MTSS1: variants seen among roughly 807,000 people sequenced by gnomAD.
The protein encoded by MTSS1 is MTSS I-BAR domain containing 1, also known as protein MTSS 1.
MTSS1 carries 18 observed loss-of-function variants against 79.0 expected under a neutral mutation model. That is an observed-to-expected ratio of 0.23 (90% CI 0.16 to 0.34). The LOEUF (loss-of-function observed/expected upper bound fraction) is 0.34. Ranked by LOEUF, MTSS1 falls within the 10% of genes least tolerant of loss-of-function variation. MTSS1 has a pLI of 1.00. For missense variants in MTSS1, 815 were observed against 986.2 expected, an observed-to-expected ratio of 0.83 and a Z score of 2.33; for synonymous variants, 341 against 368.6, an observed-to-expected ratio of 0.93 and a Z score of 0.86.
intron 3 of MTSS1, among the ~76,000 whole-genome samples, chr8:124,640,439 T>C (rs1817816302): frequency 6.6e-6 from 1 of 152,180 alleles, no homozygotes. Context: ...CTGTGGTCTT[T>C]CCGGCAACAA....
At chr8:124,706,522 T>G (rs555593982) in intron 1 of MTSS1, among the ~76,000 whole-genome samples, 159 of 152,386 alleles carry the variant, frequency 1.0e-3, no homozygotes, top group African/African-American at 3.6e-3. Context: ...ATTGGAGACC[T>G]GCTTGGCTCA....
At chr8:124,709,973 T>A (rs1404768392) in intron 1 of MTSS1, among the ~76,000 whole-genome samples, 2 of 152,250 alleles carry the variant, frequency 1.3e-5, no homozygotes, top group Non-Finnish European at 2.9e-5. Flanking sequence ...GTTTGCTGTC[T>A]ATAAGCCTGA....
chr8:124,651,658 A>G (rs1398459680), intron 3 of MTSS1, among the ~76,000 whole-genome samples: 3 of 152,188 alleles, frequency 2.0e-5, no homozygotes, highest in Non-Finnish European at 4.4e-5. Flanking sequence ...TTCCTGGGAC[A>G]TAAGTCTCCA....
intron 3 of MTSS1, among the ~76,000 whole-genome samples, chr8:124,678,519 G>A (rs372177716): frequency 4.8e-4 from 73 of 152,318 alleles, no homozygotes; most frequent in African/African-American, 1.6e-3. Flanking sequence ...GCAAAGGTAC[G>A]TCTTACATGG....
intron 6 of MTSS1, chr8:124,568,759 A>G: frequency 1.4e-6 from 2 of 1,461,538 alleles, no homozygotes; most frequent in South Asian, 1.4e-5. Context: ...CTTATTCCTG[A>G]CAAGGAAAAT....
At chr8:124,698,509 T>TC (rs1829218118) in intron 3 of MTSS1, among the ~76,000 whole-genome samples, 1 of 147,640 alleles carries the variant, frequency 6.8e-6, no homozygotes, top group African/African-American at 2.5e-5. Context: ...TGCTTTTCTT[T>TC]TTTTTTTTTT....
chr8:124,630,535 AT>A (rs1815722813), intron 3 of MTSS1, among the ~76,000 whole-genome samples: 6 of 152,192 alleles, frequency 3.9e-5, no homozygotes, highest in Admixed American at 3.3e-4. Context: ...CACCGCCCAC[AT>A]TTTTAACAAG....
In MTSS1 at chr8:124,597,291, C is replaced by T. The variant is rs1007399054; in HGVS notation, c.209-6056G>A. Among the ~76,000 whole-genome samples, 1 of 152,184 alleles carries T rather than the reference C, an allele frequency of 6.6e-6. No individual in the cohort carries two copies. The highest frequency in any genetic ancestry group is 1.5e-5 in the Non-Finnish European group (1 of 68,028). On this transcript the variant is annotated intron_variant, in intron 3 of 13. Coordinates refer to ENST00000518547, the MANE Select transcript of MTSS1 (RefSeq NM_014751.6). This position sits in a 1 kb window ranked among gnomAD's most constrained non-coding sequence, Gnocchi z 4.6. ...AACAACCTTGCTGAGGGCCACATTG[C>T]TGGTCAGCAGTAGAGCCAAAATCCA...
intron 3 of MTSS1, among the ~76,000 whole-genome samples, chr8:124,630,793 A>C (rs1815776430): frequency 1.3e-5 from 2 of 152,382 alleles, no homozygotes; most frequent in South Asian, 2.1e-4. Context: ...TCTAATACAA[A>C]AAAAATGACC....
intron 3 of MTSS1, among the ~76,000 whole-genome samples, chr8:124,660,296 G>C (rs377239723): frequency 6.6e-6 from 1 of 152,110 alleles, no homozygotes; most frequent in African/African-American, 2.4e-5. Context: ...CTGTGCCACA[G>C]AAACAGGGGC....
chr8:124,603,839 T>C (rs1834338805), intron 3 of MTSS1, among the ~76,000 whole-genome samples: 1 of 152,214 alleles, frequency 6.6e-6, no homozygotes, highest in South Asian at 2.1e-4. Flanking sequence ...CACAAACTTT[T>C]TTGCCTGTGC....
chr8:124,717,348 AAG>A (rs1412348374), intron 1 of MTSS1, among the ~76,000 whole-genome samples: 6 of 152,088 alleles, frequency 3.9e-5, no homozygotes, highest in African/African-American at 1.4e-4. Context: ...AAAAAAAAAA[AAG>A]CCGGGTGTGG....
chr8:124,720,011 G>A (rs1832679153), intron 1 of MTSS1, among the ~76,000 whole-genome samples: 1 of 152,198 alleles, frequency 6.6e-6, no homozygotes, highest in African/African-American at 2.4e-5. Context: ...CACTTTTTAA[G>A]GTAGGATATA....
At chr8:124,672,876 CAT>C (rs1325465892) in intron 3 of MTSS1, among the ~76,000 whole-genome samples, 1 of 148,998 alleles carries the variant, frequency 6.7e-6, no homozygotes, top group Non-Finnish European at 1.5e-5. Flanking sequence ...CACACACATG[CAT>C]ACACACACAC....
intron 3 of MTSS1, among the ~76,000 whole-genome samples, chr8:124,621,775 C>T (rs929011006): frequency 2.6e-5 from 4 of 152,180 alleles, no homozygotes; most frequent in African/African-American, 9.7e-5. Context: ...TCTTGAACTC[C>T]TGACCTCAAG....
chr8:124,589,776 A>G, intron 4 of MTSS1, 65 bp from the exon 5 acceptor site: 2 of 1,195,142 alleles, frequency 1.7e-6, no homozygotes, highest in Non-Finnish European at 2.5e-6. Flanking sequence ...CAGGATTTAA[A>G]TGTGGTTGTC....
At chr8:124,589,042 G>GT (rs1324191241) in intron 5 of MTSS1, among the ~76,000 whole-genome samples, 11 of 149,108 alleles carry the variant, frequency 7.4e-5, no homozygotes, top group African/African-American at 2.0e-4. Flanking sequence ...CTTTTTTTTT[G>GT]TTTTTTGAGA....
At chr8:124,725,873 C>CT (rs973543134) in intron 1 of MTSS1, among the ~76,000 whole-genome samples, 1 of 152,168 alleles carries the variant, frequency 6.6e-6, no homozygotes, top group African/African-American at 2.4e-5. Context: ...GACATTCCCT[C>CT]TCTCTTCATC....
chr8:124,607,578 A>C (rs1372111502), intron 3 of MTSS1, among the ~76,000 whole-genome samples: 2 of 152,204 alleles, frequency 1.3e-5, no homozygotes, highest in Admixed American at 6.5e-5. Flanking sequence ...CAGGAGAGAA[A>C]GCAGCACCGT....
Sources: allele counts gnomAD v4.1 joint callset (sites outside exome capture counted in the v4.1 genomes callset), GRCh38; gene constraint gnomAD v4.1.1; non-coding constraint Gnocchi (gnomAD v3.1); transcripts MANE v1.5; gene names NCBI Gene and HGNC (gene_info 2026-07-23, HGNC 2026-07-21).